Variants in GPHN observed in about 807,000 individuals in gnomAD.
GPHN encodes the protein gephyrin.
In GPHN, 17 loss-of-function variants were observed where a neutral mutation model predicts 95.5. The ratio of observed to expected loss-of-function variants is 0.18; its 90% CI spans 0.12 to 0.27. The LOEUF (loss-of-function observed/expected upper bound fraction) is 0.27, where lower values mean the gene tolerates loss of function less well. Among genes scored for constraint, GPHN ranks in the 10% least tolerant of loss-of-function variants. GPHN has a pLI of 1.00. For missense variants in GPHN, 660 were observed against 978.1 expected, an observed-to-expected ratio of 0.67 and a Z score of 4.34; for synonymous variants, 320 against 322.5, an observed-to-expected ratio of 0.99 and a Z score of 0.08.
chr14:67,383,582 C>G, the GPHN span: 6 of 1,233,872 alleles, frequency 4.9e-6, no homozygotes, highest in Non-Finnish European at 6.8e-6. Context: ...TCTAACAGAT[C>G]AGAACATGAA....
the GPHN span, among the ~76,000 whole-genome samples, chr14:67,446,478 T>G: frequency 6.6e-6 from 1 of 151,628 alleles, no homozygotes; most frequent in African/African-American, 2.4e-5. Flanking sequence ...AGAAACAGAG[T>G]GATGAGGTGC....
At chr14:66,859,504 A>ACTCT (rs1453455904) in intron 4 of GPHN, among the ~76,000 whole-genome samples, 1 of 152,226 alleles carries the variant, frequency 6.6e-6, no homozygotes, top group African/African-American at 2.4e-5. Context: ...TGAGAGAGAC[A>ACTCT]GGTGCCAACA....
intron 20 of GPHN, among the ~76,000 whole-genome samples, chr14:67,166,976 G>A (rs2082316107): frequency 6.6e-6 from 1 of 152,052 alleles, no homozygotes; most frequent in Non-Finnish European, 1.5e-5. Flanking sequence ...GCTTTACAAG[G>A]ATTTTCAATT....
At chr14:67,347,413 A>G in the GPHN span, 1 of 1,605,166 alleles carries the variant, frequency 6.2e-7, no homozygotes, top group South Asian at 1.1e-5. Context: ...ACTTACTGTC[A>G]GTTCCTTCAT....
intron 3 of GPHN, among the ~76,000 whole-genome samples, chr14:66,812,318 A>G (rs112811051): frequency 6.6e-5 from 10 of 152,200 alleles, no homozygotes; most frequent in Admixed American, 3.9e-4. Context: ...ACTAAAATTT[A>G]AAAAAATCAA....
chr14:67,557,137 A>T, the GPHN span: 2 of 656,066 alleles, frequency 3.0e-6, no homozygotes, highest in African/African-American at 3.7e-5. Context: ...ATTGGCTCAG[A>T]CTGCCCTGGG....
chr14:66,905,765 C>A (rs2065348913), intron 5 of GPHN, among the ~76,000 whole-genome samples: 1 of 152,030 alleles, frequency 6.6e-6, no homozygotes, highest in Non-Finnish European at 1.5e-5. Context: ...GTCTATTGTT[C>A]CCATCTTTAT....
At chr14:67,560,200 G>C in the GPHN span, among the ~76,000 whole-genome samples, 2 of 152,012 alleles carry the variant, frequency 1.3e-5, no homozygotes, top group African/African-American at 4.8e-5. Context: ...GCTAATTTTT[G>C]TATTTTTAGT....
At chr14:67,336,533 T>C in the GPHN span, 1 of 329,032 alleles carries the variant, frequency 3.0e-6, no homozygotes, top group East Asian at 7.9e-5. Flanking sequence ...ACATTGAATT[T>C]ACCTACATGT....
At chr14:67,704,653 G>A in the GPHN span, among the ~76,000 whole-genome samples, 1 of 152,156 alleles carries the variant, frequency 6.6e-6, no homozygotes, top group Admixed American at 6.5e-5. Context: ...TAGAGTAAGA[G>A]TGCCCTCATG....
At chr14:67,492,967 T>C in the GPHN span, among the ~76,000 whole-genome samples, 1 of 151,912 alleles carries the variant, frequency 6.6e-6, no homozygotes, top group African/African-American at 2.4e-5. Context: ...GAAGGCCAGG[T>C]GGGGGAAATA....
At chr14:67,456,699 C>T in the GPHN span, among the ~76,000 whole-genome samples, 1 of 152,160 alleles carries the variant, frequency 6.6e-6, no homozygotes, top group Non-Finnish European at 1.5e-5. Flanking sequence ...TTAGTTCAGT[C>T]ATTGTGGAAA....
intron 8 of GPHN, among the ~76,000 whole-genome samples, chr14:66,934,157 A>AG (rs34922501): frequency 6.6e-6 from 1 of 151,084 alleles, no homozygotes; most frequent in African/African-American, 2.4e-5. Flanking sequence ...AAAAAAAAAA[A>AG]GAGTTCACAG....
chr14:67,638,889 A>G, the GPHN span, among the ~76,000 whole-genome samples: 1 of 152,238 alleles, frequency 6.6e-6, no homozygotes, highest in Admixed American at 6.5e-5. Context: ...TCCACTGTCT[A>G]GAAGCTTTTG....
the GPHN span, among the ~76,000 whole-genome samples, chr14:67,219,713 C>G: frequency 6.6e-6 from 1 of 151,912 alleles, no homozygotes; most frequent in Non-Finnish European, 1.5e-5. Context: ...AATTTTAAAG[C>G]TATAAAAGAT....
chr14:67,319,010 A>T, the GPHN span, among the ~76,000 whole-genome samples: 2 of 151,878 alleles, frequency 1.3e-5, no homozygotes, highest in Admixed American at 1.3e-4. Context: ...GTGAGCCGAG[A>T]TCGCGCCACT....
the GPHN span, chr14:67,445,969 G>A: frequency 2.1e-6 from 1 of 474,396 alleles, no homozygotes; most frequent in South Asian, 1.5e-5. Flanking sequence ...TTGGAGTCTA[G>A]CCTGTAAGAA....
At chr14:67,199,879 G>A in the GPHN span, 1 of 1,491,706 alleles carries the variant, frequency 6.7e-7, no homozygotes, top group Admixed American at 2.3e-5. Flanking sequence ...TGCAGGACAT[G>A]GCCCCCCATC....
At chr14:67,090,984 A>T (rs1678351049) in intron 12 of GPHN, among the ~76,000 whole-genome samples, 1 of 151,694 alleles carries the variant, frequency 6.6e-6, no homozygotes, top group Non-Finnish European at 1.5e-5. Flanking sequence ...AAAAAAAAAC[A>T]CTTGATAATT....
Sources: allele counts gnomAD v4.1 joint callset (sites outside exome capture counted in the v4.1 genomes callset), GRCh38; gene constraint gnomAD v4.1.1; transcripts MANE v1.5; gene names NCBI Gene and HGNC (gene_info 2026-07-23, HGNC 2026-07-21).